The following IPO11 variants were observed in gnomAD, a reference collection of about 807,000 sequenced individuals.
The protein encoded by IPO11 is importin-11.
IPO11 carries 66 observed loss-of-function variants against 143.2 expected under a neutral mutation model. That is an observed-to-expected ratio of 0.46 (90% CI 0.38 to 0.57). The LOEUF is 0.57. Ranked by LOEUF, IPO11 falls within the 20% of genes least tolerant of loss-of-function variation. IPO11 has a pLI of 0.00. For synonymous variants in IPO11, 385 were observed against 377.8 expected (o/e 1.02, Z -0.22); for missense variants, 1,026 against 1,141.0 (o/e 0.90, Z 1.45).
At chr5:62,612,589 GATATT>G (rs1745964007) in intron 29 of IPO11, among the ~76,000 whole-genome samples, 1 of 152,130 alleles carries the variant, frequency 6.6e-6, no homozygotes, top group African/African-American at 2.4e-5. Flanking sequence ...TCACTAAAGA[GATATT>G]TTTATTTTGA....
intron 16 of IPO11, among the ~76,000 whole-genome samples, chr5:62,498,097 C>T (rs1313968577): frequency 6.6e-6 from 1 of 151,710 alleles, no homozygotes; most frequent in African/African-American, 2.4e-5. Context: ...GAAATGCATT[C>T]TTATAGCTTT....
At chr5:62,466,126 C>G (rs1561322333) in intron 5 of IPO11, among the ~76,000 whole-genome samples, 1 of 152,150 alleles carries the variant, frequency 6.6e-6, no homozygotes, top group African/African-American at 2.4e-5. Flanking sequence ...TACAAGCCTT[C>G]TATCCTCTTG....
At chr5:62,439,590 T>C (rs1197342021) in intron 2 of IPO11, among the ~76,000 whole-genome samples, 2 of 150,472 alleles carry the variant, frequency 1.3e-5, no homozygotes, top group African/African-American at 4.9e-5. Context: ...CCTGGCCCAG[T>C]CTTTTTTTTT....
intron 22 of IPO11, among the ~76,000 whole-genome samples, chr5:62,531,013 A>T (rs560481180): frequency 1.2e-4 from 18 of 152,268 alleles, no homozygotes; most frequent in African/African-American, 4.3e-4. Context: ...ATAGTTTTTC[A>T]ACCTTTGAGT....
intron 1 of IPO11, among the ~76,000 whole-genome samples, chr5:62,436,502 CTA>C (rs1354436813): frequency 2.0e-5 from 3 of 152,254 alleles, no homozygotes; most frequent in Middle Eastern, 3.4e-3. Context: ...TTGTGAATAA[CTA>C]TACATACTTG....
intron 21 of IPO11, among the ~76,000 whole-genome samples, chr5:62,527,345 A>G (rs531448919): frequency 6.6e-6 from 1 of 152,332 alleles, no homozygotes; most frequent in African/African-American, 2.4e-5. Context: ...TGTTGCAACT[A>G]TTTGACTCTG....
intron 16 of IPO11, among the ~76,000 whole-genome samples, chr5:62,495,731 A>G (rs988008896): frequency 3.3e-5 from 5 of 152,276 alleles, no homozygotes; most frequent in African/African-American, 1.2e-4. Context: ...TCAGCCTCCC[A>G]AAGTGTTGGG....
chr5:62,599,477 C>T lies in IPO11; in HGVS notation c.2679-2287C>T, dbSNP rs114390029. On this transcript the variant is annotated intron_variant, in intron 28 of 29. Coordinates refer to ENST00000325324, the MANE Select transcript of IPO11 (RefSeq NM_016338.5). ...GTTTGTAAATTCAGCCTTTTCTCATCTGTAAAATGGCTGAATTACTTAGGG... is the reference window on the plus strand; with the variant it reads ...GTTTGTAAATTCAGCCTTTTCTCATTTGTAAAATGGCTGAATTACTTAGGG... Among the ~76,000 whole-genome samples the T allele has an allele frequency of 2.0e-3, 309 of 152,280 alleles. 2 individuals carry two copies. The highest frequency in any genetic ancestry group is 7.3e-3 in the African/African-American group (302 of 41,564).
intron 1 of IPO11, among the ~76,000 whole-genome samples, chr5:62,416,549 T>C (rs1743300469): frequency 6.6e-6 from 1 of 152,094 alleles, no homozygotes; most frequent in African/African-American, 2.4e-5. Flanking sequence ...AACCTCATCT[T>C]ATCTTAATCA....
rs1188887651 is a variant in IPO11 at position 62,435,102 on chromosome 5, A to ATATATATG, written c.-6-2148_-6-2141dup. The stretch of plus-strand genomic sequence containing the variant: ...TATATGTGTATATATGTATATATGT[A>ATATATATG]TATATATGTATATATGTATATATGT... On this transcript the variant is annotated intron_variant, in intron 1 of 29. Transcript: ENST00000325324. 3.8e-3 allele frequency among the ~76,000 whole-genome samples: 258 copies of ATATATATG among 67,176 alleles called. 14 individuals carry two copies. Among genetic ancestry groups the ATATATATG allele is most frequent in the African/African-American group, 0.013 (226 of 17,486 alleles). The allele number at this position is 67,176 out of a possible 152,430, so 44.1% of individuals were successfully genotyped here.
At chr5:62,434,128 C>T (rs956804297) in intron 1 of IPO11, among the ~76,000 whole-genome samples, 34 of 152,128 alleles carry the variant, frequency 2.2e-4, no homozygotes, top group Non-Finnish European at 4.3e-4. Context: ...TGGCCTTCTT[C>T]AGTTTGTTTC....
chr5:62,613,633 C>T lies in IPO11; in HGVS notation c.2763+11785C>T, dbSNP rs1580389081. Among the ~76,000 whole-genome samples, 4 of 152,064 alleles carry T rather than the reference C, an allele frequency of 2.6e-5. No individual in the cohort carries two copies. In the East Asian group the frequency reaches 7.7e-4, roughly 29 times the overall value. The stretch of plus-strand genomic sequence containing the variant: ...GCTCTTCTTAAAAATGTGATTTTGA[C>T]ATTCTTCCTTATTGGCAGGTTGGGT... On this transcript the variant is annotated intron_variant, in intron 29 of 29. Coordinates refer to ENST00000325324, the MANE Select transcript of IPO11 (RefSeq NM_016338.5).
At chr5:62,560,903 AC>A (rs1249597325) in intron 26 of IPO11, 29 of 328,172 alleles carry the variant, frequency 8.8e-5, no homozygotes, top group African/African-American at 6.0e-4. Flanking sequence ...TGGGCTACAT[AC>A]ATGTTTTGAA....
chr5:62,516,603 A>G (rs1742029536), intron 20 of IPO11, among the ~76,000 whole-genome samples: 1 of 152,036 alleles, frequency 6.6e-6, no homozygotes, highest in South Asian at 2.1e-4. Flanking sequence ...CCCTCCGTAA[A>G]TGGTTATGGA....
At chr5:62,584,109 A>C (rs1335064518) in intron 27 of IPO11, among the ~76,000 whole-genome samples, 1 of 152,230 alleles carries the variant, frequency 6.6e-6, no homozygotes, top group Non-Finnish European at 1.5e-5. Context: ...TTTATAAACT[A>C]TAAATTAAAA....
At chr5:62,624,098 G>A (rs190105957) in intron 29 of IPO11, among the ~76,000 whole-genome samples, 1 of 151,804 alleles carries the variant, frequency 6.6e-6, no homozygotes, top group Admixed American at 6.6e-5. Flanking sequence ...GCAATGGCAT[G>A]ATCTCAGCTC....
chr5:62,435,118 G>GTA (rs1474091511), intron 1 of IPO11, among the ~76,000 whole-genome samples: 4,869 of 60,048 alleles, frequency 0.081, 304 homozygotes, highest in East Asian at 0.18. Context: ...ATGTATATAT[G>GTA]TATATATGTA....
At chr5:62,419,001 T>C in intron 1 of IPO11, 1 of 1,548,940 alleles carries the variant, frequency 6.5e-7, no homozygotes, top group Non-Finnish European at 8.7e-7. Flanking sequence ...GAACATCATA[T>C]GAACAAACCT....
At chr5:62,517,664 A>G (rs2112290189) in intron 20 of IPO11, among the ~76,000 whole-genome samples, 1 of 152,240 alleles carries the variant, frequency 6.6e-6, no homozygotes, top group South Asian at 2.1e-4. Flanking sequence ...TGGCCTCCCA[A>G]AGTGCTGGGA....
Sources: gnomAD v4.1 joint callset for allele counts (sites outside exome capture counted in the v4.1 genomes callset) on GRCh38, gnomAD v4.1.1 for gene constraint, MANE v1.5 for transcripts, NCBI Gene and HGNC (gene_info 2026-07-23, HGNC 2026-07-21) for gene names.